ATE1: variants seen among roughly 807,000 people sequenced by gnomAD.
The protein encoded by ATE1 is arginyltransferase 1, also known as arginyl-tRNA--protein transferase 1.
A neutral mutation model predicts 70.5 loss-of-function variants in ATE1; 36 were observed. The ratio of observed to expected loss-of-function variants is 0.51; its 90% CI spans 0.39 to 0.67. ATE1 has a LOEUF of 0.67. ATE1 is among the 30% of genes least tolerant of loss of function. The probability of loss-of-function intolerance (pLI) is 0.00; values close to 1 mark genes in which losing one functional copy is unlikely to be tolerated. For missense variants in ATE1, 593 were observed against 629.5 expected (o/e 0.94, Z 0.62); for synonymous variants, 232 against 219.3 (o/e 1.06, Z -0.51).
chr10:121,862,111 C>T (rs1427191590), intron 8 of ATE1, among the ~76,000 whole-genome samples: 2 of 152,170 alleles, frequency 1.3e-5, no homozygotes, highest in Non-Finnish European at 2.9e-5. Flanking sequence ...GCCTTATCTC[C>T]ACTGCTCTCG....
At chr10:121,751,251 A>G (rs958572874) in intron 11 of ATE1, among the ~76,000 whole-genome samples, 1 of 152,262 alleles carries the variant, frequency 6.6e-6, no homozygotes, top group African/African-American at 2.4e-5. Flanking sequence ...ATGTCATTTA[A>G]TAACAGCTTT....
At chr10:121,850,369 T>C (rs1949008382) in intron 8 of ATE1, among the ~76,000 whole-genome samples, 2 of 152,196 alleles carry the variant, frequency 1.3e-5, no homozygotes, top group Admixed American at 1.3e-4. Flanking sequence ...AAAAGAGCTA[T>C]GTCTTACAAC....
intron 11 of ATE1, among the ~76,000 whole-genome samples, chr10:121,781,978 A>G (rs1946011793): frequency 6.6e-6 from 1 of 152,240 alleles, no homozygotes; most frequent in Non-Finnish European, 1.5e-5. Context: ...AGAACACTAT[A>G]AAATAAACAG....
intron 5 of ATE1, 138 bp downstream of exon 5, chr10:121,910,768 T>C: frequency 8.8e-7 from 1 of 1,142,000 alleles, no homozygotes; most frequent in South Asian, 1.4e-5. Context: ...TTCTAGGCAA[T>C]AATAAACAAA....
chr10:121,839,054 CT>C (rs1948532601), intron 9 of ATE1, among the ~76,000 whole-genome samples: 1 of 152,138 alleles, frequency 6.6e-6, no homozygotes, highest in African/African-American at 2.4e-5. Context: ...AATCCCCTGG[CT>C]GCCTTTCCTT....
At chr10:121,829,142 T>G (rs1026634255) in intron 10 of ATE1, among the ~76,000 whole-genome samples, 5 of 152,148 alleles carry the variant, frequency 3.3e-5, no homozygotes, top group African/African-American at 1.2e-4. Flanking sequence ...ATATTGCTCC[T>G]GGCCAGGCAT....
intron 10 of ATE1, among the ~76,000 whole-genome samples, chr10:121,802,880 C>A (rs1367470972): frequency 1.3e-5 from 2 of 152,008 alleles, no homozygotes; most frequent in African/African-American, 2.4e-5. Context: ...ACTTTCTAGT[C>A]CAAAAGGGGA....
At chr10:121,768,383 C>G (rs1945363298) in intron 11 of ATE1, among the ~76,000 whole-genome samples, 1 of 151,774 alleles carries the variant, frequency 6.6e-6, no homozygotes, top group South Asian at 2.1e-4. Flanking sequence ...AGGTGTAAAT[C>G]TAAAAGAATA....
In ATE1 at chr10:121,882,047, C is replaced by T. The variant is rs186330077; in HGVS notation, c.943-12009G>A. On this transcript the variant is annotated intron_variant, in intron 7 of 11. Transcript: ENST00000224652. The stretch of plus-strand genomic sequence containing the variant: ...CTCAACTCAGGCAATCCAGCCACCT[C>T]GGCCTCCCAAAGAGCTAGGATTACA... 3.9e-3 allele frequency among the ~76,000 whole-genome samples: 588 copies of T among 152,242 alleles called. 1 individual carries two copies. The highest frequency in any genetic ancestry group is 6.3e-3 in the Non-Finnish European group (426 of 68,020).
At chr10:121,764,457 C>G (rs1197525257) in intron 11 of ATE1, among the ~76,000 whole-genome samples, 1 of 140,676 alleles carries the variant, frequency 7.1e-6, no homozygotes, top group African/African-American at 2.7e-5. Context: ...GGCAACATAG[C>G]AAGACCTTGT....
At chr10:121,928,458 G>C, upstream of ATE1, 1 of 1,510,186 alleles carries the variant, frequency 6.6e-7, no homozygotes, top group Non-Finnish European at 8.9e-7. Context: ...CGCTCGGGCC[G>C]ACCACGCCTC....
At chr10:121,892,475 G>C (rs953377056) in intron 7 of ATE1, among the ~76,000 whole-genome samples, 5 of 151,708 alleles carry the variant, frequency 3.3e-5, no homozygotes, top group South Asian at 2.1e-4. Context: ...GGGAAGTTTG[G>C]GTGGGACACA....
chr10:121,859,255 AT>A (rs375361710), intron 8 of ATE1, among the ~76,000 whole-genome samples: 1,773 of 66,368 alleles, frequency 0.027, 34 homozygotes, highest in African/African-American at 0.072. Context: ...ATTTTATTTT[AT>A]TTTATTTTTT....
chr10:121,924,504 G>T (rs530594413), intron 1 of ATE1, among the ~76,000 whole-genome samples, 175 bp from the exon 2 acceptor site: 38 of 152,192 alleles, frequency 2.5e-4, no homozygotes, highest in Middle Eastern at 3.4e-3. Context: ...TTCAAGACCA[G>T]CCTGGCCAAC....
At chr10:121,831,466 C>G (rs1268611586) in intron 10 of ATE1, among the ~76,000 whole-genome samples, 2 of 152,202 alleles carry the variant, frequency 1.3e-5, no homozygotes, top group Non-Finnish European at 2.9e-5. Flanking sequence ...CTGCTCCCTC[C>G]TCTGCACTCG....
chr10:121,746,878 C>A (rs75422409), intron 11 of ATE1, among the ~76,000 whole-genome samples: 3 of 152,168 alleles, frequency 2.0e-5, no homozygotes, highest in African/African-American at 7.2e-5. Flanking sequence ...ACTCTTCTTC[C>A]GACATCTAAA....
intron 10 of ATE1, among the ~76,000 whole-genome samples, chr10:121,821,983 T>A (rs916443537): frequency 6.6e-6 from 1 of 152,158 alleles, no homozygotes; most frequent in Non-Finnish European, 1.5e-5. Flanking sequence ...TTTTAAAAAT[T>A]ATGGGCAATA....
rs142575289 is a variant in ATE1 at position 121,809,578 on chromosome 10, T to C, written c.1258-19289A>G. On this transcript the variant is annotated intron_variant, in intron 10 of 11. Transcript: ENST00000224652. The stretch of plus-strand genomic sequence containing the variant: ...CACCGCAGCTACTGGTATGTTTCCA[T>C]GCCTTGATTCGTGCTAAGACGCTAG... Among the ~76,000 whole-genome samples, 936 of 152,318 alleles carry C rather than the reference T, an allele frequency of 6.1e-3. 8 individuals are homozygous for C. Among genetic ancestry groups the C allele is most frequent in the Non-Finnish European group, 9.3e-3 (632 of 68,016 alleles).
intron 10 of ATE1, among the ~76,000 whole-genome samples, chr10:121,835,553 C>A (rs901015377): frequency 1.6e-4 from 24 of 151,654 alleles, no homozygotes; most frequent in African/African-American, 5.6e-4. Flanking sequence ...AATGTATGAA[C>A]CTTACTGAGT....
Sources: gnomAD v4.1 joint callset for allele counts (sites outside exome capture counted in the v4.1 genomes callset) on GRCh38, gnomAD v4.1.1 for gene constraint, MANE v1.5 for transcripts, NCBI Gene and HGNC (gene_info 2026-07-23, HGNC 2026-07-21) for gene names.